Variants in GLIPR1L2 observed in about 807,000 individuals in gnomAD.
The protein encoded by GLIPR1L2 is GLIPR1-like protein 2.
Under a neutral mutation model 28.4 loss-of-function variants are expected in GLIPR1L2, and 21 were observed. The observed-to-expected ratio is 0.74, with a 90% CI of 0.52 to 1.06. The LOEUF (loss-of-function observed/expected upper bound fraction) is 1.06, where lower values mean the gene tolerates loss of function less well. Among genes scored for constraint, GLIPR1L2 ranks in the 50% least tolerant of loss-of-function variants. GLIPR1L2 has a pLI of 0.00. For missense variants in GLIPR1L2, 476 were observed against 416.9 expected (o/e 1.14, Z -1.23); for synonymous variants, 145 against 139.3 (o/e 1.04, Z -0.29).
intron 3 of GLIPR1L2, among the ~76,000 whole-genome samples, chr12:75,422,383 A>G (rs2045986035): frequency 6.6e-6 from 1 of 150,496 alleles, no homozygotes; most frequent in Non-Finnish European, 1.5e-5. Context: ...GCTTACTGCA[A>G]GCTCCGCCTC....
rs1327478879 is a variant in GLIPR1L2 at position 75,430,751 on chromosome 12, G to T, written c.697+10G>T. On this transcript the variant is annotated intron_variant, in intron 5 of 5. Transcript: ENST00000550916. ...CGTGACCAAGCCACATGTATGTATT[G>T]TTGTCCTTTATTTCTTGAACAATTG... The T allele has an allele frequency of 6.5e-7, 1 of 1,534,852 alleles. No individual in the cohort carries two copies. Among genetic ancestry groups the T allele is most frequent in the South Asian group, 1.2e-5 (1 of 83,688 alleles).
intron 3 of GLIPR1L2, among the ~76,000 whole-genome samples, chr12:75,422,229 A>G (rs1014451051): frequency 5.3e-5 from 8 of 151,758 alleles, no homozygotes; most frequent in Non-Finnish European, 7.4e-5. Context: ...CCTGGTCTCA[A>G]GAGATTATCC....
At position 75,431,345 on chromosome 12, in the gene GLIPR1L2, A is replaced by G; in HGVS notation, c.*184A>G. On this transcript the variant is annotated 3_prime_UTR_variant, in exon 6 of 6. Transcript: ENST00000550916. ...TTATTCAATCAATTTAAATTTGTAA[A>G]ACAAAGAAACAAAAAACATGTAAGG... The G allele has an allele frequency of 2.1e-6, 1 of 470,854 alleles. No homozygotes were observed. The highest frequency in any genetic ancestry group is 3.7e-6 in the Non-Finnish European group (1 of 269,902). 29.2% of individuals were successfully genotyped at this position (470,854 alleles called of 1,614,324 possible). A position where few individuals can be genotyped will look rare whatever the true frequency, so the allele number is the denominator to read the frequency against.
intron 1 of GLIPR1L2, among the ~76,000 whole-genome samples, chr12:75,404,009 A>C (rs187078413): frequency 1.1e-4 from 16 of 152,332 alleles, no homozygotes; most frequent in Admixed American, 3.9e-4. Context: ...AAGACAAAGA[A>C]AGCCTTAAAG....
rs920358675 is a variant in GLIPR1L2, at chr12:75,430,893, T to C, written c.767T>C (p.Ile256Thr). Reference protein sequence around the residue: ...PVVCDPLCTFILLLRILCFIL... With the variant: ...PVVCDPLCTFTLLLRILCFIL... ...GTGTGTGATCCACTGTGCACATTCATTTTATTATTGAGAATATTATGTTTT... is the reference window on the plus strand; with the variant it reads ...GTGTGTGATCCACTGTGCACATTCACTTTATTATTGAGAATATTATGTTTT... Residue 256 changes from isoleucine (I) to threonine (T), a missense_variant, in exon 6 of 6, where the codon ATT (isoleucine) becomes ACT (threonine). Transcript: ENST00000550916. The C allele has an allele frequency of 2.0e-6, 3 of 1,535,896 alleles. No individual in the cohort carries two copies. The highest frequency in any genetic ancestry group is 2.7e-5 in the African/African-American group (2 of 73,050).
intron 1 of GLIPR1L2, among the ~76,000 whole-genome samples, chr12:75,393,786 T>C (rs2045655359): frequency 6.6e-6 from 1 of 152,150 alleles, no homozygotes; most frequent in African/African-American, 2.4e-5. Context: ...TATCATATGA[T>C]AATTCTGTTT....
At chr12:75,422,771 A>G in intron 3 of GLIPR1L2, 133 bp from the exon 4 acceptor site, 1 of 644,330 alleles carries the variant, frequency 1.6e-6, no homozygotes, top group Non-Finnish European at 2.6e-6. Context: ...ATCTCTAATT[A>G]AAGTATTTCC....
intron 3 of GLIPR1L2, among the ~76,000 whole-genome samples, chr12:75,416,762 C>T (rs895952083): frequency 1.3e-5 from 2 of 152,084 alleles, no homozygotes; most frequent in African/African-American, 4.8e-5. Flanking sequence ...TCTTGCTACT[C>T]TCTTATTGCA....
At chr12:75,404,925 T>G (rs994739405) in intron 1 of GLIPR1L2, among the ~76,000 whole-genome samples, 2 of 152,206 alleles carry the variant, frequency 1.3e-5, no homozygotes, top group Non-Finnish European at 2.9e-5. Context: ...GATAAACTGC[T>G]AAAACATACA....
chr12:75,423,174 T>A, intron 4 of GLIPR1L2, 185 bp downstream of exon 4: 1 of 1,455,264 alleles, frequency 6.9e-7, no homozygotes, highest in Non-Finnish European at 9.0e-7. Flanking sequence ...CAGAGCTTTT[T>A]CTGTTCTATC....
intron 1 of GLIPR1L2, among the ~76,000 whole-genome samples, chr12:75,403,534 CACTA>C (rs2045764998): frequency 1.3e-5 from 2 of 152,226 alleles, no homozygotes; most frequent in South Asian, 2.1e-4. Context: ...CTCTATACTC[CACTA>C]ACTATGTCGG....
chr12:75,430,679 T>G (rs777772610), intron 4 of GLIPR1L2, 36 bp from the exon 5 acceptor site: 1 of 1,514,566 alleles, frequency 6.6e-7, no homozygotes, highest in South Asian at 1.2e-5. Flanking sequence ...AGAAGAAATT[T>G]TATGTAATTT....
chr12:75,399,258 A>G (rs2045714181), intron 1 of GLIPR1L2, among the ~76,000 whole-genome samples: 1 of 152,222 alleles, frequency 6.6e-6, no homozygotes, highest in Admixed American at 6.5e-5. Flanking sequence ...GAGTTCAGAA[A>G]TAACCCAAAT....
At chr12:75,417,963 G>A (rs1218737327) in intron 3 of GLIPR1L2, among the ~76,000 whole-genome samples, 3 of 152,078 alleles carry the variant, frequency 2.0e-5, no homozygotes, top group Non-Finnish European at 2.9e-5. Flanking sequence ...GATAGGTAAT[G>A]TTATTAACTG....
At chr12:75,405,370 TAAAAG>T (rs1168442654) in intron 1 of GLIPR1L2, among the ~76,000 whole-genome samples, 2 of 152,096 alleles carry the variant, frequency 1.3e-5, no homozygotes, top group East Asian at 1.9e-4. Context: ...AGTGAAAACT[TAAAAG>T]AAACTGTTTT....
rs904788137 is a variant in GLIPR1L2 at position 75,410,477 on chromosome 12, A to C, written c.278A>C (p.Lys93Thr). The change falls in exon 2 of 6, where the codon AAA becomes ACA. Residue 93 changes from lysine to threonine, a missense_variant. Physicochemically the swap from Lys to Thr is moderately conservative, Grantham distance 78. Coordinates refer to ENST00000550916, the MANE Select transcript of GLIPR1L2 (RefSeq NM_001270396.2). The part of the protein sequence containing the change: ...ALSRTARAWG[K>T]KCLFTHNIYL... ...TCACGGACTGCTAGAGCATGGGGAA[A>C]AAAATGTTTGTTTACGCATAATATT... is the stretch of plus-strand genomic sequence containing the variant. 1.2e-6 allele frequency: 2 copies of C among 1,610,012 alleles called. No homozygotes were observed. Among genetic ancestry groups the C allele is most frequent in the Non-Finnish European group, 1.7e-6 (2 of 1,177,692 alleles).
intron 4 of GLIPR1L2, 133 bp downstream of exon 4, chr12:75,423,122 A>C (rs748597977): frequency 6.4e-7 from 1 of 1,558,162 alleles, no homozygotes; most frequent in Non-Finnish European, 8.6e-7. Flanking sequence ...ATGTTATCAA[A>C]GGATGGTTGA....
intron 3 of GLIPR1L2, among the ~76,000 whole-genome samples, chr12:75,414,184 C>G (rs1032221225): frequency 1.3e-5 from 2 of 151,986 alleles, no homozygotes; most frequent in African/African-American, 4.8e-5. Context: ...AAAAGCACTT[C>G]AAACATCTTT....
intron 1 of GLIPR1L2, among the ~76,000 whole-genome samples, chr12:75,398,030 A>T (rs78163876): frequency 2.3e-4 from 16 of 68,710 alleles, no homozygotes; most frequent in African/African-American, 3.4e-4. Flanking sequence ...CTGTGGATTT[A>T]AAAAAAAAAA....
Sources: allele counts gnomAD v4.1 joint callset (sites outside exome capture counted in the v4.1 genomes callset), GRCh38; gene constraint gnomAD v4.1.1; transcripts MANE v1.5; gene names NCBI Gene and HGNC (gene_info 2026-07-23, HGNC 2026-07-21).